The following CARD8 variants were observed in gnomAD, a reference collection of about 807,000 sequenced individuals.
The protein encoded by CARD8 is caspase recruitment domain-containing protein 8.
Under a neutral mutation model 53.2 loss-of-function variants are expected in CARD8, and 38 were observed. The observed-to-expected ratio is 0.71, with a 90% CI of 0.55 to 0.94. The LOEUF (loss-of-function observed/expected upper bound fraction) is 0.94. CARD8 is among the 40% of genes least tolerant of loss of function. The pLI, the probability that CARD8 is intolerant of heterozygous loss-of-function variation, is 0.00. For synonymous variants in CARD8, 245 were observed against 244.9 expected (o/e 1.00, Z 0.00); for missense variants, 561 against 655.5 (o/e 0.86, Z 1.57).
At chr19:48,250,915 C>T (rs1017810553) in intron 1 of CARD8, among the ~76,000 whole-genome samples, 1 of 152,078 alleles carries the variant, frequency 6.6e-6, no homozygotes, top group Admixed American at 6.5e-5. Flanking sequence ...AGGGGAAATA[C>T]AAATTAAGAG....
At chr19:48,232,757 A>C (rs2043150653) in intron 6 of CARD8, 1 of 624,234 alleles carries the variant, frequency 1.6e-6, no homozygotes. Flanking sequence ...TCCCGTCATC[A>C]CAGAAAGTTC....
chr19:48,239,755 C>T (rs1007569644), intron 4 of CARD8, among the ~76,000 whole-genome samples: 4 of 152,080 alleles, frequency 2.6e-5, no homozygotes, highest in African/African-American at 7.2e-5. Context: ...GGATTACAGG[C>T]GTGAGTCACC....
chr19:48,232,160 T>G (rs570305766), intron 7 of CARD8: 260 of 559,106 alleles, frequency 4.7e-4, no homozygotes, highest in Non-Finnish European at 6.6e-4. Flanking sequence ...AAAGTCCAGG[T>G]CAGAAAAGTA....
At chr19:48,203,804 G>C (rs62621208), downstream of CARD8, 98,311 of 204,018 alleles carry the variant, frequency 0.48, 25,483 homozygotes, top group Non-Finnish European at 0.57. Flanking sequence ...TGACGATCCA[G>C]TCTGCACGAA....
intron 11 of CARD8, among the ~76,000 whole-genome samples, chr19:48,220,356 C>T (rs1424803687): frequency 6.6e-6 from 1 of 151,996 alleles, no homozygotes; most frequent in Non-Finnish European, 1.5e-5. Context: ...CCTTAGTGTC[C>T]AAAAAGGAGA....
At chr19:48,205,557 A>C (rs181332667), downstream of CARD8, among the ~76,000 whole-genome samples, 27 of 152,264 alleles carry the variant, frequency 1.8e-4, 1 homozygote, top group East Asian at 2.3e-3. Context: ...CAGATAATAT[A>C]TAATAAAGCT....
chr19:48,206,770 CTTTG>C (rs1412165962), downstream of CARD8, among the ~76,000 whole-genome samples: 1 of 152,102 alleles, frequency 6.6e-6, no homozygotes, highest in Non-Finnish European at 1.5e-5. Context: ...TCTTTTGTTG[CTTTG>C]TTTGTGCATT....
At chr19:48,204,035 G>A (rs763663865), downstream of CARD8, 4 of 384,786 alleles carry the variant, frequency 1.0e-5, no homozygotes, top group Non-Finnish European at 2.1e-5. Flanking sequence ...TGTTTCCTTC[G>A]TCTGCTGGCG....
rs569409593 is a variant in CARD8, at chr19:48,240,378, C to T, written c.59+584G>A. On this transcript the variant is annotated intron_variant, in intron 4 of 13. Transcript: ENST00000651546. ...AGAGCTGGAAGAACAGCCCTAGACT[C>T]GCTTTTGCTCAGGTATGAAGTTGCC... Among the ~76,000 whole-genome samples, 8 of 152,192 alleles carry T rather than the reference C, an allele frequency of 5.3e-5. No individual in the cohort carries two copies. The South Asian group carries it at 1.0e-3, about 20-fold the overall frequency.
chr19:48,241,419 C>T (rs2045064252), intron 3 of CARD8, among the ~76,000 whole-genome samples: 1 of 152,170 alleles, frequency 6.6e-6, no homozygotes, highest in South Asian at 2.1e-4. Context: ...CCATACCCGG[C>T]TAATTTTTCT....
rs1223166709 is a variant in CARD8, at chr19:48,209,329, A to G, written c.*2381T>C. Reference sequence around the variant, plus strand: ...AAAAAGCTCAAACAAGCAAATGCTGACACATTTGCAGGAAAATAGAATATA... The same window carrying G: ...AAAAAGCTCAAACAAGCAAATGCTGGCACATTTGCAGGAAAATAGAATATA... On this transcript the variant is annotated 3_prime_UTR_variant, in exon 14 of 14. Transcript: ENST00000651546. The G allele has an allele frequency of 6.6e-6, 1 of 152,100 alleles. No homozygotes were observed. The allele number at this position is 152,100 out of a possible 1,614,324, so 9.4% of individuals were successfully genotyped here.
At chr19:48,236,107 G>A (rs1323259544) in intron 5 of CARD8, among the ~76,000 whole-genome samples, 1 of 152,192 alleles carries the variant, frequency 6.6e-6, no homozygotes, top group Non-Finnish European at 1.5e-5. Context: ...TTCCATCCTG[G>A]GTGAGAACTC....
At chr19:48,206,059 G>A (rs765972882), downstream of CARD8, among the ~76,000 whole-genome samples, 2 of 151,884 alleles carry the variant, frequency 1.3e-5, no homozygotes, top group Non-Finnish European at 2.9e-5. Flanking sequence ...CACCATGCCT[G>A]GCTAATTTTT....
intron 5 of CARD8, among the ~76,000 whole-genome samples, chr19:48,236,868 G>A (rs1017604222): frequency 1.3e-5 from 2 of 151,986 alleles, no homozygotes; most frequent in African/African-American, 2.4e-5. Context: ...TCTGCCTCCC[G>A]AGTTCAAGCA....
chr19:48,230,333 A>T, intron 10 of CARD8, 105 bp downstream of exon 10: 1 of 1,304,148 alleles, frequency 7.7e-7, no homozygotes, highest in Non-Finnish European at 1.1e-6. Context: ...TGTCCATGAA[A>T]ACCATGCCTT....
At chr19:48,252,808 T>TACAC (rs71334279) in intron 1 of CARD8, among the ~76,000 whole-genome samples, 22 of 148,298 alleles carry the variant, frequency 1.5e-4, no homozygotes, top group African/African-American at 4.0e-4. Flanking sequence ...TATCAGTATA[T>TACAC]ACACACACAC....
intron 8 of CARD8, 148 bp from the exon 9 acceptor site, chr19:48,231,154 A>G (rs929612831): frequency 1.7e-5 from 11 of 646,240 alleles, no homozygotes; most frequent in Non-Finnish European, 2.8e-5. Flanking sequence ...TGGGGAGTTC[A>G]TTAACCTCTC....
At chr19:48,229,260 T>C (rs4802447) in intron 10 of CARD8, among the ~76,000 whole-genome samples, 43,752 of 152,102 alleles carry the variant, frequency 0.29, 6,545 homozygotes, top group Admixed American at 0.36. Flanking sequence ...AATGAGGTTT[T>C]TCCATCCCAT....
At chr19:48,221,504 G>GT (rs2040618057) in intron 11 of CARD8, among the ~76,000 whole-genome samples, 1 of 152,126 alleles carries the variant, frequency 6.6e-6, no homozygotes, top group Non-Finnish European at 1.5e-5. Flanking sequence ...TCAATGTGTA[G>GT]TTTTAACCTA....
Sources: allele counts gnomAD v4.1 joint callset (sites outside exome capture counted in the v4.1 genomes callset), GRCh38; gene constraint gnomAD v4.1.1; transcripts MANE v1.5; gene names NCBI Gene and HGNC (gene_info 2026-07-23, HGNC 2026-07-21).